ZFYVE26: variants seen among roughly 807,000 people sequenced by gnomAD.
The protein encoded by ZFYVE26 is zinc finger FYVE-type containing 26.
ZFYVE26 carries 181 observed loss-of-function variants against 276.5 expected under a neutral mutation model. The ratio of observed to expected loss-of-function variants is 0.65; its 90% confidence interval spans 0.58 to 0.74. The LOEUF (loss-of-function observed/expected upper bound fraction) is 0.74. Among genes scored for constraint, ZFYVE26 ranks in the 30% least tolerant of loss-of-function variants. The pLI is 0.00. For missense variants in ZFYVE26, 2,821 were observed against 3,097.9 expected, an observed-to-expected ratio of 0.91 and a Z score of 2.12; for synonymous variants, 1,129 against 1,203.1, an observed-to-expected ratio of 0.94 and a Z score of 1.27.
chr14:67,792,913 C>CAAAAAAAAAAAAAAAAAAAA (rs34041446), intron 14 of ZFYVE26, among the ~76,000 whole-genome samples: 1 of 56,812 alleles, frequency 1.8e-5, no homozygotes, highest in Non-Finnish European at 3.1e-5. Context: ...AAATCTGTCT[C>CAAAAAAAAAAAAAAAAAAAA]AAAAAAAAAA....
At chr14:67,767,369 G>A (rs188899804) in intron 31 of ZFYVE26, among the ~76,000 whole-genome samples, 4 of 152,008 alleles carry the variant, frequency 2.6e-5, no homozygotes, top group Admixed American at 6.5e-5. Flanking sequence ...TTTTGGACAC[G>A]GTGTCTTTGC....
intron 12 of ZFYVE26, chr14:67,797,234 A>G: frequency 4.0e-6 from 1 of 252,458 alleles, no homozygotes; most frequent in Non-Finnish European, 7.8e-6. Context: ...ACAAGTATGC[A>G]CAGACATGTA....
Position 67,768,524 on chromosome 14 carries a change from T to A in ZFYVE26, c.5646A>T (p.Lys1882Asn). ...AACGGGATTTGGCCTTACCTTCTGG[T>A]TTTTCTGAAGGCTCCTCTGGTACAC... is the stretch of plus-strand genomic sequence containing the variant. The part of the protein sequence containing the change: ...NKDVPEEPSE[K>N]PEALDSSKNE... The change falls in exon 30 of 42, where the codon AAA becomes AAT. Residue 1882 changes from lysine (K) to asparagine (N), a missense_variant. Lys to Asn is a moderately conservative substitution (Grantham distance 94). Coordinates refer to ENST00000347230, the MANE Select transcript of ZFYVE26 (RefSeq NM_015346.4). The A allele has an allele frequency of 2.5e-6, 4 of 1,614,006 alleles. No individual in the cohort carries two copies. Among genetic ancestry groups the A allele is most frequent in the Non-Finnish European group, 3.4e-6 (4 of 1,179,960 alleles).
intron 36 of ZFYVE26, 108 bp from the exon 37 acceptor site, chr14:67,755,358 A>C: frequency 8.1e-7 from 1 of 1,235,924 alleles, no homozygotes; most frequent in Non-Finnish European, 1.2e-6. Flanking sequence ...TGTTTCCAGC[A>C]CCCACTCCCA....
chr14:67,748,645 A>G lies in ZFYVE26; in HGVS notation c.7417-6T>C, dbSNP rs2140176319. 1.2e-6 allele frequency: 2 copies of G among 1,613,796 alleles called. No homozygotes were observed. The highest frequency in any genetic ancestry group is 1.3e-5 in the African/African-American group (1 of 75,062). Reference sequence around the variant, plus strand: ...CATATCAGGTAGGCCCGAACCTGGCAGTCAGTTATAAGAGACAGCGGAAAG... The same window carrying G: ...CATATCAGGTAGGCCCGAACCTGGCGGTCAGTTATAAGAGACAGCGGAAAG... On this transcript the variant is annotated splice_polypyrimidine_tract_variant and splice_region_variant and intron_variant, in intron 41 of 41. Coordinates refer to ENST00000347230, the MANE Select transcript of ZFYVE26 (RefSeq NM_015346.4).
rs1389689671 is a variant in ZFYVE26 at position 67,789,436 on chromosome 14, G to T, written c.2918C>A (p.Ala973Asp). Reference sequence around the variant, plus strand: ...CTGAGAGCAAGCTAGGTCAAATGCAGCCATGGCAGGGGGACTGAGGTCTTC... The same window carrying T: ...CTGAGAGCAAGCTAGGTCAAATGCATCCATGGCAGGGGGACTGAGGTCTTC... ...VLEDLSPPAM[A>D]AFDLACSQCQ... is the part of the protein sequence containing the mutation. Residue 973 changes from alanine (A) to aspartate (D), a missense_variant, in exon 16 of 42, where the codon GCT (alanine) becomes GAT (aspartate). Coordinates refer to ENST00000347230, the MANE Select transcript of ZFYVE26 (RefSeq NM_015346.4). 6.2e-7 allele frequency: 1 copy of T among 1,614,210 alleles called. No homozygotes were observed.
chr14:67,798,354 T>C lies in ZFYVE26; in HGVS notation c.1908A>G (p.Gly636=). ...TTGTATAAGCAAGGGTCTTTGGGAC[T>C]CCCAGGGAACCCCGTTCTGACTTCC... is the stretch of plus-strand genomic sequence containing the variant. The part of the protein sequence containing the change: ...PERKSERGSL[G]VPKTLAYTMP... The change falls in exon 11 of 42, where the codon GGA becomes GGG. Residue 636 remains glycine (G), a synonymous_variant. Coordinates refer to ENST00000347230, the MANE Select transcript of ZFYVE26 (RefSeq NM_015346.4). 6.2e-7 allele frequency: 1 copy of C among 1,610,436 alleles called. No homozygotes were observed. The highest frequency in any genetic ancestry group is 8.5e-7 in the Non-Finnish European group (1 of 1,177,822).
chr14:67,776,392 C>T (rs940626662), intron 25 of ZFYVE26, among the ~76,000 whole-genome samples: 1 of 152,216 alleles, frequency 6.6e-6, no homozygotes, highest in African/African-American at 2.4e-5. Context: ...ATGTCTGTCT[C>T]AAACATTCAG....
intron 13 of ZFYVE26, 96 bp downstream of exon 13, chr14:67,794,075 C>T: frequency 7.3e-7 from 1 of 1,373,112 alleles, no homozygotes; most frequent in South Asian, 1.2e-5. Context: ...GAATAACAAC[C>T]TTGACTGCTC....
At chr14:67,799,445 T>C in intron 10 of ZFYVE26, 16 of 1,611,470 alleles carry the variant, frequency 9.9e-6, no homozygotes, top group Non-Finnish European at 1.3e-5. Context: ...CAGAAAGGAG[T>C]TGGGGCTTGA....
chr14:67,758,513 C>A (rs1032608098), intron 35 of ZFYVE26, among the ~76,000 whole-genome samples: 8 of 152,140 alleles, frequency 5.3e-5, no homozygotes, highest in Admixed American at 1.3e-4. Flanking sequence ...CAAACAGTGG[C>A]AATCCAGCAG....
At chr14:67,814,153 C>A in intron 2 of ZFYVE26, 89 bp from the exon 3 acceptor site, 1 of 1,058,834 alleles carries the variant, frequency 9.4e-7, no homozygotes, top group South Asian at 1.3e-5. Context: ...ATTGCTTATT[C>A]TGTTTTAAAC....
chr14:67,747,926 A>T lies in ZFYVE26; in HGVS notation c.*510T>A, dbSNP rs1285044264. 2 of 159,336 alleles carry T rather than the reference A, an allele frequency of 1.3e-5. No homozygotes were observed. Among genetic ancestry groups the T allele is most frequent in the Non-Finnish European group, 2.8e-5 (2 of 72,004 alleles). 9.9% of individuals were successfully genotyped at this position (159,336 alleles called of 1,614,324 possible). ...GAATGGGAAGGAAGGAAAAGAGGCAATCCTTTTGGTGTTGCTCTAATTCTC... is the reference window on the plus strand; with the variant it reads ...GAATGGGAAGGAAGGAAAAGAGGCATTCCTTTTGGTGTTGCTCTAATTCTC... On this transcript the variant is annotated 3_prime_UTR_variant, in exon 42 of 42. Transcript: ENST00000347230.
At chr14:67,781,254 C>A in intron 22 of ZFYVE26, 79 bp downstream of exon 22, 1 of 1,512,302 alleles carries the variant, frequency 6.6e-7, no homozygotes, top group African/African-American at 1.4e-5. Context: ...TTCTTAAAGT[C>A]CCCCATCATA....
In ZFYVE26 at chr14:67,772,219, C is replaced by T. The variant is rs1310234849; in HGVS notation, c.5321-9G>A. 3 of 1,611,890 alleles carry T rather than the reference C, an allele frequency of 1.9e-6. No homozygotes were observed. The highest frequency in any genetic ancestry group is 3.3e-5 in the Admixed American group (2 of 59,720). ...ATGTATACTGGAGATACCTGGGAGG[C>T]AGAGCCAGAGGTCAGAGTAAAAGGT... On this transcript the variant is annotated splice_polypyrimidine_tract_variant and intron_variant, in intron 27 of 41. Transcript: ENST00000347230.
At position 67,781,467 on chromosome 14, in the gene ZFYVE26, G is replaced by A. The variant is rs2140220687; in HGVS notation, c.4435C>T (p.Leu1479=). The A allele has an allele frequency of 6.2e-7, 1 of 1,614,214 alleles. No individual in the cohort carries two copies. Residue 1479 remains leucine, a synonymous_variant, in exon 22 of 42, where the codon CTA becomes TTA. Coordinates refer to ENST00000347230, the MANE Select transcript of ZFYVE26 (RefSeq NM_015346.4). ...AGGGGCCACCTGTCCACAAACTGTA[G>A]GGCCAGCCGACTTCTCAGAGATGCA... The part of the protein sequence containing the change: ...KDASLRSRLA[L]QFVDRWPLES...
In ZFYVE26 at chr14:67,756,014, A is replaced by G. The variant is rs2038769929; in HGVS notation, c.6720T>C (p.Ala2240=). Residue 2240 remains alanine, a synonymous_variant, in exon 36 of 42, where the codon GCT becomes GCC. Coordinates refer to ENST00000347230, the MANE Select transcript of ZFYVE26 (RefSeq NM_015346.4). ...TCTTCTTCTGTAAATGTTGGCAGGC[A>G]GCAATCAAGTACTTTCCCCAGCTCT... The part of the protein sequence containing the change: ...TLESWGKYLI[A]ACQHLQKKNY... The G allele has an allele frequency of 6.2e-7, 1 of 1,614,138 alleles. No individual in the cohort carries two copies. Among genetic ancestry groups the G allele is most frequent in the Non-Finnish European group, 8.5e-7 (1 of 1,180,056 alleles).
intron 6 of ZFYVE26, among the ~76,000 whole-genome samples, chr14:67,805,885 G>A (rs948977964): frequency 3.9e-5 from 6 of 152,084 alleles, no homozygotes; most frequent in Admixed American, 2.6e-4. Flanking sequence ...AAAATTAGCC[G>A]GCATGGTGGC....
At position 67,789,363 on chromosome 14, in the gene ZFYVE26, C is replaced by G; in HGVS notation, c.2991G>C (p.Arg997=). The change falls in exon 16 of 42, where the codon CGG becomes CGC. Residue 997 remains arginine (R), a synonymous_variant. Coordinates refer to ENST00000347230, the MANE Select transcript of ZFYVE26 (RefSeq NM_015346.4). ...TCKQLLETAE[R]RLNSSLERRG... Reference sequence around the variant, plus strand: ...GCCTTTCAAGGCTACTATTCAAACGCCGTTCGGCTGTCTCCAAAAGCTGCT... The same window carrying G: ...GCCTTTCAAGGCTACTATTCAAACGGCGTTCGGCTGTCTCCAAAAGCTGCT... The G allele has an allele frequency of 6.2e-7, 1 of 1,614,224 alleles. No individual in the cohort carries two copies. Among genetic ancestry groups the G allele is most frequent in the South Asian group, 1.1e-5 (1 of 91,092 alleles).
Sources: gnomAD v4.1 joint callset for allele counts (sites outside exome capture counted in the v4.1 genomes callset) on GRCh38, gnomAD v4.1.1 for gene constraint, MANE v1.5 for transcripts, NCBI Gene and HGNC (gene_info 2026-07-23, HGNC 2026-07-21) for gene names.